Variants in MCTP2 observed in about 807,000 individuals in gnomAD.
MCTP2 encodes the protein multiple C2 and transmembrane domain containing 2.
A neutral mutation model predicts 111.6 loss-of-function variants in MCTP2; 132 were observed. That is an observed-to-expected ratio of 1.18 (90% CI 1.03 to 1.37). The LOEUF (loss-of-function observed/expected upper bound fraction) is 1.37. Among genes scored for constraint, MCTP2 ranks in the 40% most tolerant of loss-of-function variants. The probability of loss-of-function intolerance (pLI) is 0.00; values close to 1 mark genes in which losing one functional copy is unlikely to be tolerated. For synonymous variants in MCTP2, 395 were observed against 387.7 expected (o/e 1.02, Z -0.22); for missense variants, 1,183 against 1,067.9 (o/e 1.11, Z -1.50).
chr15:94,253,880 GTA>G (rs776533583), intron 1 of MCTP2, among the ~76,000 whole-genome samples: 6 of 152,034 alleles, frequency 3.9e-5, no homozygotes, highest in Non-Finnish European at 8.8e-5. Context: ...TCTGGTGGTA[GTA>G]TAGCTCAATG....
chr15:94,250,549 T>C (rs756770775), intron 1 of MCTP2, among the ~76,000 whole-genome samples: 18 of 152,178 alleles, frequency 1.2e-4, no homozygotes, highest in Non-Finnish European at 2.2e-4. Context: ...ACCATGAAAT[T>C]ACCTAGAAAA....
chr15:94,288,727 T>C (rs1380689145), intron 1 of MCTP2, among the ~76,000 whole-genome samples: 1 of 152,194 alleles, frequency 6.6e-6, no homozygotes, highest in Non-Finnish European at 1.5e-5. Flanking sequence ...AATATGACTT[T>C]AAAGGAGCTA....
chr15:94,243,951 G>A (rs1567255498), intron 1 of MCTP2, among the ~76,000 whole-genome samples: 1 of 143,584 alleles, frequency 7.0e-6, no homozygotes, highest in Non-Finnish European at 1.5e-5. Flanking sequence ...ACATATATGT[G>A]TATATATTTA....
chr15:94,305,627 G>A lies in MCTP2; in HGVS notation c.465+6897G>A, dbSNP rs117197959. 4.1e-4 allele frequency among the ~76,000 whole-genome samples: 63 copies of A among 152,038 alleles called. No homozygotes were observed. The East Asian group carries it at 8.3e-3, about 20-fold the overall frequency. On this transcript the variant is annotated intron_variant, in intron 2 of 22. Coordinates refer to ENST00000357742, the MANE Select transcript of MCTP2 (RefSeq NM_001385001.1). ...GAAATGTCATTTTTCTTCTTCTCCC[G>A]GCCTTTCTGCAAACCTTGCTTATAT...
At chr15:94,349,819 G>GAAAA (rs1201748064) in intron 8 of MCTP2, among the ~76,000 whole-genome samples, 1 of 126,550 alleles carries the variant, frequency 7.9e-6, no homozygotes, top group African/African-American at 2.9e-5. Flanking sequence ...GACTCTGTCT[G>GAAAA]AAAAAAAAAA....
intron 19 of MCTP2, among the ~76,000 whole-genome samples, chr15:94,455,448 T>G (rs985652715): frequency 3.9e-5 from 6 of 151,944 alleles, no homozygotes; most frequent in Admixed American, 6.6e-5. Context: ...TTCTGTTGTT[T>G]TTTTTTTTTA....
intron 4 of MCTP2, among the ~76,000 whole-genome samples, chr15:94,337,955 T>A (rs879677900): frequency 6.6e-6 from 1 of 152,110 alleles, no homozygotes; most frequent in Non-Finnish European, 1.5e-5. Context: ...AGCTGGGAAA[T>A]GTAGTGCATT....
chr15:94,473,219 AATT>A lies in MCTP2; in HGVS notation c.2470+2781_2470+2783del, dbSNP rs1596857139. ...TTGGGAATATTTTTGGACACACCAA[AATT>A]ATTTTGACAGGTGAGATGCTTTATT... On this transcript the variant is annotated intron_variant, in intron 21 of 22. Transcript: ENST00000357742. Among the ~76,000 whole-genome samples, 4 of 152,194 alleles carry A rather than the reference AATT, an allele frequency of 2.6e-5. No homozygotes were observed. In the East Asian group the frequency reaches 7.7e-4, roughly 29 times the overall value.
intron 17 of MCTP2, among the ~76,000 whole-genome samples, chr15:94,409,379 A>G (rs2082051094): frequency 6.6e-6 from 1 of 152,052 alleles, no homozygotes. Flanking sequence ...GATAATACTT[A>G]ATAAACTCAT....
chr15:94,463,159 T>A (rs143482122), intron 20 of MCTP2, among the ~76,000 whole-genome samples: 1 of 152,206 alleles, frequency 6.6e-6, no homozygotes, highest in Non-Finnish European at 1.5e-5. Flanking sequence ...ACTGTTGGGA[T>A]CTTTATTAGG....
intron 10 of MCTP2, among the ~76,000 whole-genome samples, chr15:94,364,247 A>G (rs2079075912): frequency 6.6e-6 from 1 of 152,128 alleles, no homozygotes; most frequent in Admixed American, 6.5e-5. Flanking sequence ...TTATGGTACA[A>G]GGGCTGATTT....
chr15:94,461,776 A>C (rs141032207), intron 20 of MCTP2, among the ~76,000 whole-genome samples: 9 of 152,310 alleles, frequency 5.9e-5, no homozygotes, highest in Non-Finnish European at 1.2e-4. Context: ...AGTGGTTGGA[A>C]TCCTGAGGTT....
At chr15:94,245,480 A>T (rs566536746) in intron 1 of MCTP2, among the ~76,000 whole-genome samples, 1 of 140,712 alleles carries the variant, frequency 7.1e-6, no homozygotes, top group African/African-American at 2.6e-5. Context: ...ATATGTATAT[A>T]TACATACATG....
chr15:94,363,895 A>G (rs1481096843), intron 10 of MCTP2, among the ~76,000 whole-genome samples: 12 of 152,112 alleles, frequency 7.9e-5, no homozygotes, highest in Admixed American at 7.9e-4. Flanking sequence ...ATGCTCATTA[A>G]TTGAATTCCT....
chr15:94,380,791 C>A (rs2080093907), intron 12 of MCTP2, among the ~76,000 whole-genome samples: 1 of 151,684 alleles, frequency 6.6e-6, no homozygotes, highest in African/African-American at 2.4e-5. Flanking sequence ...GGGGGGTTAT[C>A]AAATGAATGA....
At chr15:94,281,048 G>T (rs775770711) in intron 1 of MCTP2, among the ~76,000 whole-genome samples, 39 of 152,262 alleles carry the variant, frequency 2.6e-4, no homozygotes, top group Non-Finnish European at 5.0e-4. Flanking sequence ...TTCTGTTACT[G>T]TTGGTTGGAG....
chr15:94,402,993 G>A, intron 17 of MCTP2: 1 of 995,016 alleles, frequency 1.0e-6, no homozygotes, highest in Non-Finnish European at 1.2e-6. Flanking sequence ...AAAAAATGGG[G>A]GAAAAAAAAC....
At chr15:94,271,274 C>T (rs2073894727) in intron 1 of MCTP2, among the ~76,000 whole-genome samples, 1 of 152,086 alleles carries the variant, frequency 6.6e-6, no homozygotes, top group Non-Finnish European at 1.5e-5. Flanking sequence ...TTAGGTTGTC[C>T]AAAAATTGGA....
chr15:94,243,583 G>A lies in MCTP2; in HGVS notation c.-66+11919G>A, dbSNP rs549505992. The stretch of plus-strand genomic sequence containing the variant: ...TGCGTATGTACATACATACGTATGC[G>A]TATATTTGTATATGTATGTATACAC... On this transcript the variant is annotated intron_variant, in intron 1 of 22. Coordinates refer to ENST00000357742, the MANE Select transcript of MCTP2 (RefSeq NM_001385001.1). Among the ~76,000 whole-genome samples, 85 of 149,264 alleles carry A rather than the reference G, an allele frequency of 5.7e-4. 1 individual carries two copies. Among genetic ancestry groups the A allele is most frequent in the African/African-American group, 2.0e-3 (83 of 40,672 alleles).
Sources: gnomAD v4.1 joint callset for allele counts (sites outside exome capture counted in the v4.1 genomes callset) on GRCh38, gnomAD v4.1.1 for gene constraint, MANE v1.5 for transcripts, NCBI Gene and HGNC (gene_info 2026-07-23, HGNC 2026-07-21) for gene names.